The following ERGIC1 variants were observed in gnomAD, a reference collection of about 807,000 sequenced individuals.
ERGIC1 encodes the protein endoplasmic reticulum-golgi intermediate compartment 1.
Under a neutral mutation model 38.3 loss-of-function variants are expected in ERGIC1, and 19 were observed. The observed-to-expected ratio is 0.50, with a 90% CI of 0.35 to 0.73. ERGIC1 has a LOEUF of 0.73. Ranked by LOEUF, ERGIC1 falls within the 30% of genes least tolerant of loss-of-function variation. The pLI is 0.01. For synonymous variants in ERGIC1, 124 were observed against 157.6 expected (o/e 0.79, Z 1.60); for missense variants, 294 against 389.2 (o/e 0.76, Z 2.06).
chr5:172,943,483 A>G lies in ERGIC1; in HGVS notation c.766-7226A>G, dbSNP rs570109800. Among the ~76,000 whole-genome samples the G allele has an allele frequency of 2.0e-5, 3 of 152,062 alleles. 1 individual carries two copies. The highest frequency in any genetic ancestry group is 7.2e-5 in the African/African-American group (3 of 41,468). ...GCTGCTGGAGCCTGATGAGACTCCA[A>G]TTCATTATTTATTTCCTCATGCGGC... On this transcript the variant is annotated intron_variant, in intron 9 of 9. Coordinates refer to ENST00000393784, the MANE Select transcript of ERGIC1 (RefSeq NM_001031711.3).
intron 5 of ERGIC1, among the ~76,000 whole-genome samples, chr5:172,922,873 A>T (rs1467293756): frequency 6.6e-6 from 1 of 152,226 alleles, no homozygotes. Flanking sequence ...GCTGTGGGGA[A>T]CATGGAAGCT....
chr5:172,879,774 C>T (rs553658177), intron 1 of ERGIC1, among the ~76,000 whole-genome samples: 2 of 152,288 alleles, frequency 1.3e-5, no homozygotes, highest in African/African-American at 4.8e-5. Context: ...GGTTTTATTC[C>T]GCACACAACA....
At chr5:172,916,179 C>G (rs1212871288) in intron 5 of ERGIC1, 1 of 152,456 alleles carries the variant, frequency 6.6e-6, no homozygotes, top group Non-Finnish European at 1.5e-5. Context: ...GTTCAGGGCT[C>G]CCTTAAGTGC....
At chr5:172,904,177 T>C (rs1249939370) in intron 3 of ERGIC1, among the ~76,000 whole-genome samples, 1 of 152,192 alleles carries the variant, frequency 6.6e-6, no homozygotes, top group African/African-American at 2.4e-5. Context: ...GTGAGGTATG[T>C]GTAACTTACA....
chr5:172,864,032 T>TA (rs1235345999), intron 1 of ERGIC1, among the ~76,000 whole-genome samples: 6 of 151,944 alleles, frequency 3.9e-5, no homozygotes, highest in African/African-American at 1.2e-4. Context: ...TTCTCTCTAC[T>TA]AGAAATACAA....
intron 7 of ERGIC1, among the ~76,000 whole-genome samples, chr5:172,928,692 G>A (rs994558560): frequency 1.3e-5 from 2 of 151,806 alleles, no homozygotes; most frequent in African/African-American, 4.8e-5. Flanking sequence ...GATGATAAGA[G>A]GCCTGGAGGC....
Position 172,909,658 on chromosome 5 carries a change from T to C in ERGIC1, c.156-9T>C, listed in dbSNP as rs1763157703. 6.2e-7 allele frequency: 1 copy of C among 1,613,920 alleles called. No individual in the cohort carries two copies. The highest frequency in any genetic ancestry group is 1.3e-5 in the African/African-American group (1 of 74,940). ...TCAACAAAGGTTCCTATACTTGTCT[T>C]TCCCCTAGTGTGAACGAGCTCTATG... On this transcript the variant is annotated splice_polypyrimidine_tract_variant and intron_variant, in intron 3 of 9. Coordinates refer to ENST00000393784, the MANE Select transcript of ERGIC1 (RefSeq NM_001031711.3).
intron 3 of ERGIC1, among the ~76,000 whole-genome samples, chr5:172,899,311 C>CTT (rs34478179): frequency 0.024 from 2,020 of 82,756 alleles, 17 homozygotes; most frequent in African/African-American, 0.043. Flanking sequence ...GGAGTTACTT[C>CTT]TTTTTTTTTT....
At chr5:172,920,232 G>A (rs764244370) in intron 5 of ERGIC1, 117 of 689,316 alleles carry the variant, frequency 1.7e-4, no homozygotes, top group Middle Eastern at 7.2e-4. Flanking sequence ...TTGAGGAACC[G>A]CCCATCAAGA....
intron 1 of ERGIC1, among the ~76,000 whole-genome samples, chr5:172,881,450 G>C (rs1261380466): frequency 1.3e-5 from 2 of 152,174 alleles, no homozygotes; most frequent in Non-Finnish European, 2.9e-5. Flanking sequence ...TGGGTAGCGA[G>C]GAGGGCAGTA....
intron 1 of ERGIC1, among the ~76,000 whole-genome samples, chr5:172,856,776 C>A (rs1189734742): frequency 6.6e-6 from 1 of 152,212 alleles, no homozygotes; most frequent in Non-Finnish European, 1.5e-5. Context: ...ATCAGACCTT[C>A]ATGGAGACGG....
chr5:172,835,373 G>GCTGGCTGACCTCAGCAAGTCTC (rs1761009393), intron 1 of ERGIC1, among the ~76,000 whole-genome samples: 1 of 152,178 alleles, frequency 6.6e-6, no homozygotes, highest in African/African-American at 2.4e-5. Context: ...TCGCCGCTCG[G>GCTGGCTGACCTCAGCAAGTCTC]CTGGCTGACC....
intron 2 of ERGIC1, among the ~76,000 whole-genome samples, chr5:172,891,416 C>T (rs1762554911): frequency 6.6e-6 from 1 of 151,854 alleles, no homozygotes; most frequent in Non-Finnish European, 1.5e-5. Context: ...GTGTATTTTT[C>T]TAGAGTTTTA....
intron 1 of ERGIC1, among the ~76,000 whole-genome samples, chr5:172,884,617 A>G (rs144463643): frequency 1.3e-5 from 2 of 152,306 alleles, no homozygotes; most frequent in Admixed American, 6.5e-5. Context: ...GGTTTCTGAC[A>G]TAAGAAGGTG....
chr5:172,908,383 C>A (rs2113373595), intron 3 of ERGIC1, among the ~76,000 whole-genome samples: 1 of 122,574 alleles, frequency 8.2e-6, no homozygotes, highest in Admixed American at 9.1e-5. Context: ...TCGGGACCAG[C>A]CTTGCCAATA....
At chr5:172,866,854 C>G (rs1390089453) in intron 1 of ERGIC1, 1 of 308,770 alleles carries the variant, frequency 3.2e-6, no homozygotes, top group African/African-American at 2.2e-5. Context: ...GTTTTCTTGA[C>G]TCTAGCTCCA....
At chr5:172,886,840 C>G (rs1338281359) in intron 1 of ERGIC1, among the ~76,000 whole-genome samples, 1 of 152,180 alleles carries the variant, frequency 6.6e-6, no homozygotes, top group Admixed American at 6.5e-5. Context: ...ACAGCACATG[C>G]TCTTACCTCT....
intron 1 of ERGIC1, among the ~76,000 whole-genome samples, chr5:172,849,268 C>T (rs1463904492): frequency 6.6e-6 from 1 of 152,158 alleles, no homozygotes; most frequent in Non-Finnish European, 1.5e-5. Flanking sequence ...AGCAACTGTG[C>T]TCTCTCTAGC....
chr5:172,946,391 T>C (rs1764122070), intron 9 of ERGIC1, among the ~76,000 whole-genome samples: 2 of 152,124 alleles, frequency 1.3e-5, no homozygotes, highest in African/African-American at 2.4e-5. Flanking sequence ...TGCCCTCCCC[T>C]CCGTGAGTTC....
Sources: allele counts gnomAD v4.1 joint callset (sites outside exome capture counted in the v4.1 genomes callset), GRCh38; gene constraint gnomAD v4.1.1; transcripts MANE v1.5; gene names NCBI Gene and HGNC (gene_info 2026-07-23, HGNC 2026-07-21).